Variants in RGS5 observed in about 807,000 individuals in gnomAD.
RGS5 encodes regulator of G protein signaling 5.
A neutral mutation model predicts 18.9 loss-of-function variants in RGS5; 20 were observed. That is an observed-to-expected ratio of 1.06 (90% CI 0.74 to 1.54). The LOEUF is 1.54. Among genes scored for constraint, RGS5 ranks in the 40% most tolerant of loss-of-function variants. The pLI is 0.00. For synonymous variants in RGS5, 57 were observed against 76.2 expected (o/e 0.75, Z 1.31); for missense variants, 201 against 211.8 (o/e 0.95, Z 0.32).
intron 2 of RGS5, among the ~76,000 whole-genome samples, chr1:163,283,073 T>G (rs1571339186): frequency 4.6e-5 from 7 of 151,884 alleles, no homozygotes; most frequent in Admixed American, 4.6e-4. Flanking sequence ...TTTGTGGCAA[T>G]TAAAAAAATG....
chr1:163,235,252 T>C (rs1216025812), intron 2 of RGS5, among the ~76,000 whole-genome samples: 1 of 152,178 alleles, frequency 6.6e-6, no homozygotes, highest in Admixed American at 6.5e-5. Flanking sequence ...GTGAGGCACT[T>C]TGGATGTAGT....
rs1657137774 is a variant in RGS5 at position 163,146,592 on chromosome 1, T to C, written c.*750A>G. On this transcript the variant is annotated 3_prime_UTR_variant, in exon 5 of 5. Coordinates refer to ENST00000313961, the MANE Select transcript of RGS5 (RefSeq NM_003617.4). ...CAGTCTAGCAGCATAAATACATTTATAAAATACTTCATTGTTGATCTTAGG... is the reference window on the plus strand; with the variant it reads ...CAGTCTAGCAGCATAAATACATTTACAAAATACTTCATTGTTGATCTTAGG... The C allele has an allele frequency of 6.6e-6, 1 of 152,198 alleles. No individual in the cohort carries two copies. Among genetic ancestry groups the C allele is most frequent in the African/African-American group, 2.4e-5 (1 of 41,460 alleles). The allele number at this position is 152,198 out of a possible 1,614,324, so 9.4% of individuals were successfully genotyped here.
chr1:163,186,735 C>T (rs1015719687), intron 1 of RGS5, among the ~76,000 whole-genome samples: 1 of 152,228 alleles, frequency 6.6e-6, no homozygotes, highest in South Asian at 2.1e-4. Flanking sequence ...AAACTCACAA[C>T]TATGTGACCT....
chr1:163,234,619 G>A (rs1226789920), intron 2 of RGS5, among the ~76,000 whole-genome samples: 1 of 152,168 alleles, frequency 6.6e-6, no homozygotes, highest in Non-Finnish European at 1.5e-5. Context: ...GAATGTGTTT[G>A]TAAAGCCATC....
intron 1 of RGS5, among the ~76,000 whole-genome samples, chr1:163,317,886 T>G (rs551044705): frequency 6.6e-6 from 1 of 152,060 alleles, no homozygotes; most frequent in Non-Finnish European, 1.5e-5. Flanking sequence ...ATGTAAACTC[T>G]GTCAGGAAAT....
At chr1:163,180,824 A>T (rs932372238) in intron 1 of RGS5, among the ~76,000 whole-genome samples, 3 of 150,090 alleles carry the variant, frequency 2.0e-5, no homozygotes, top group African/African-American at 7.4e-5. Flanking sequence ...CCTCCCGAGT[A>T]GCTTGGACTA....
At chr1:163,290,556 CTCTTA>C (rs1365885692) in intron 2 of RGS5, among the ~76,000 whole-genome samples, 1 of 151,306 alleles carries the variant, frequency 6.6e-6, no homozygotes, top group Non-Finnish European at 1.5e-5. Context: ...TTTATTTATT[CTCTTA>C]TAATAAACCC....
At chr1:163,172,583 C>T (rs763531267) in intron 1 of RGS5, 117 of 1,549,700 alleles carry the variant, frequency 7.5e-5, no homozygotes, top group Non-Finnish European at 9.7e-5. Flanking sequence ...CTCTTTTCCT[C>T]ATATTTGCCC....
upstream of RGS5, among the ~76,000 whole-genome samples, chr1:163,220,875 GA>G (rs1203545367): frequency 6.6e-6 from 1 of 152,128 alleles, no homozygotes; most frequent in Non-Finnish European, 1.5e-5. Flanking sequence ...GTGGTGCAAG[GA>G]AGGGGTCATG....
At chr1:163,230,538 C>T (rs11805588) in intron 2 of RGS5, among the ~76,000 whole-genome samples, 1 of 151,934 alleles carries the variant, frequency 6.6e-6, no homozygotes, top group Non-Finnish European at 1.5e-5. Context: ...TATTGACTCT[C>T]CCCACACCTT....
chr1:163,229,839 T>C (rs1647433408), intron 2 of RGS5, among the ~76,000 whole-genome samples: 1 of 152,224 alleles, frequency 6.6e-6, no homozygotes, highest in Non-Finnish European at 1.5e-5. Context: ...CCCACTAACA[T>C]TTGGGTTCCC....
intron 2 of RGS5, among the ~76,000 whole-genome samples, chr1:163,241,065 T>C (rs6679690): frequency 0.15 from 22,520 of 152,170 alleles, 1,979 homozygotes; most frequent in Non-Finnish European, 0.19. Context: ...CTAACTTGTC[T>C]TCAGGTAAGA....
At chr1:163,300,246 C>T (rs1004184586) in intron 2 of RGS5, 2 of 152,250 alleles carry the variant, frequency 1.3e-5, no homozygotes, top group African/African-American at 4.8e-5. Context: ...ATTCTCACCT[C>T]AGTCTCACTG....
At chr1:163,171,860 G>C (rs868237499) in intron 1 of RGS5, among the ~76,000 whole-genome samples, 1 of 152,164 alleles carries the variant, frequency 6.6e-6, no homozygotes, top group South Asian at 2.1e-4. Flanking sequence ...AGAGGTCTTA[G>C]ATGTGGAAAC....
intron 1 of RGS5, among the ~76,000 whole-genome samples, chr1:163,176,477 C>G (rs1397571419): frequency 1.3e-5 from 2 of 152,050 alleles, no homozygotes; most frequent in Non-Finnish European, 2.9e-5. Flanking sequence ...CAAAATTAGC[C>G]ATGAGTGGTG....
intron 1 of RGS5, among the ~76,000 whole-genome samples, chr1:163,175,815 A>G (rs1654596422): frequency 6.6e-6 from 1 of 152,204 alleles, no homozygotes; most frequent in South Asian, 2.1e-4. Flanking sequence ...AAATGACTCT[A>G]TGGTTAGTTA....
chr1:163,276,205 G>A lies in RGS5; in HGVS notation c.-281+30028C>T, dbSNP rs866707765. On this transcript the variant is annotated intron_variant, in intron 2 of 5. Coordinates refer to the RGS5 transcript ENST00000618415. ...GACGGGGTTTCTCCATGTTGGTCAG[G>A]CTGGTCTCGAACTCCCGACCTCAGG... is the stretch of plus-strand genomic sequence containing the variant. 5.1e-4 allele frequency among the ~76,000 whole-genome samples: 77 copies of A among 152,150 alleles called. 1 individual carries two copies. The Middle Eastern group carries it at 0.014, about 27-fold the overall frequency.
Position 163,288,413 on chromosome 1 carries a change from T to G in RGS5, c.-281+17820A>C, listed in dbSNP as rs368572690. Among the ~76,000 whole-genome samples, 6 of 152,310 alleles carry G rather than the reference T, an allele frequency of 3.9e-5. No homozygotes were observed. The East Asian group carries it at 9.6e-4, about 24-fold the overall frequency. On this transcript the variant is annotated intron_variant, in intron 2 of 5. Transcript: ENST00000618415. ...ACTGTGCAACGTGTTGTGCAGCACA[T>G]GGTTCTGCAAGATTACCAAACATGC...
intron 4 of RGS5, among the ~76,000 whole-genome samples, chr1:163,149,352 A>G (rs1415684501): frequency 1.3e-5 from 2 of 152,174 alleles, no homozygotes; most frequent in Non-Finnish European, 2.9e-5. Flanking sequence ...CTTCTCTTAT[A>G]TTAAGTATAT....
Sources: allele counts gnomAD v4.1 joint callset (sites outside exome capture counted in the v4.1 genomes callset), GRCh38; gene constraint gnomAD v4.1.1; transcripts MANE v1.5; gene names NCBI Gene and HGNC (gene_info 2026-07-23, HGNC 2026-07-21).